Variants in MSL1 observed in about 807,000 individuals in gnomAD.
MSL1 encodes the protein MSL complex subunit 1, also known as male-specific lethal 1 homolog.
In MSL1, 21 loss-of-function variants were observed where a neutral mutation model predicts 64.6. That is an observed-to-expected ratio of 0.33 (90% CI 0.23 to 0.47). MSL1 has a LOEUF of 0.47. MSL1 is among the 20% of genes least tolerant of loss of function. The pLI is 1.00. For synonymous variants in MSL1, 339 were observed against 329.6 expected (o/e 1.03, Z -0.31); for missense variants, 664 against 793.2 (o/e 0.84, Z 1.96).
Position 40,135,650 on chromosome 17 carries a change from C to T in MSL1, c.*1281C>T, listed in dbSNP as rs1360906771. On this transcript the variant is annotated 3_prime_UTR_variant, in exon 9 of 9. Transcript: ENST00000398532. ...AAGGTATGTAGGGTGTGTGGCTGGCCCATCAGTGGAGCACGAAGAGAGAAT... is the reference window on the plus strand; with the variant it reads ...AAGGTATGTAGGGTGTGTGGCTGGCTCATCAGTGGAGCACGAAGAGAGAAT... 1 of 152,158 alleles carries T rather than the reference C, an allele frequency of 6.6e-6. No homozygotes were observed. Among genetic ancestry groups the T allele is most frequent in the African/African-American group, 2.4e-5 (1 of 41,360 alleles). The allele number at this position is 152,158 out of a possible 1,614,324, so 9.4% of individuals were successfully genotyped here.
In MSL1 at chr17:40,133,119, G is replaced by C; in HGVS notation, c.1556+10G>C. 1 of 1,601,758 alleles carries C rather than the reference G, an allele frequency of 6.2e-7. No individual in the cohort carries two copies. ...AGAAGAGAAGGAAAAGGTGAGGCCA[G>C]AGATGTCCATCCTGGAAACAACTGA... On this transcript the variant is annotated intron_variant, in intron 6 of 8. Coordinates refer to ENST00000398532, the MANE Select transcript of MSL1 (RefSeq NM_001365919.1).
Position 40,129,344 on chromosome 17 carries a change from T to C in MSL1, c.1092T>C (p.Ile364=). 2 of 1,611,824 alleles carry C rather than the reference T, an allele frequency of 1.2e-6. No individual in the cohort carries two copies. The highest frequency in any genetic ancestry group is 1.7e-6 in the Non-Finnish European group (2 of 1,179,358). The change falls in exon 3 of 9, where the codon ATT becomes ATC. Residue 364 remains isoleucine, a synonymous_variant. Transcript: ENST00000398532. Reference sequence around the variant, plus strand: ...CAAAAACTCCTAAGCACTCTCCTATTAAAGAGGAACCCTGTGGTTCCTTAT... The same window carrying C: ...CAAAAACTCCTAAGCACTCTCCTATCAAAGAGGAACCCTGTGGTTCCTTAT... The part of the protein sequence containing the change: ...VKTKTPKHSP[I]KEEPCGSLSE...
rs1345593619 is a variant in MSL1 at position 40,122,241 on chromosome 17, G to A, written c.-372G>A. The A allele has an allele frequency of 6.7e-6, 1 of 148,778 alleles. No individual in the cohort carries two copies. Among genetic ancestry groups the A allele is most frequent in the Non-Finnish European group, 1.5e-5 (1 of 66,522 alleles). The allele number at this position is 148,778 out of a possible 1,614,324, so 9.2% of individuals were successfully genotyped here. ...GGGGCGGGGGGCCGGGGCGGGGAAG[G>A]GGGGGTGCGGGGTGGGGAGACGAGG... On this transcript the variant is annotated 5_prime_UTR_variant, in exon 1 of 9. Coordinates refer to ENST00000398532, the MANE Select transcript of MSL1 (RefSeq NM_001365919.1). This position sits in a 1 kb window ranked among gnomAD's most constrained non-coding sequence, Gnocchi z 4.2.
intron 3 of MSL1, 49 bp downstream of exon 3, chr17:40,129,676 G>C (rs1475254036): frequency 1.4e-6 from 2 of 1,479,234 alleles, no homozygotes; most frequent in Non-Finnish European, 1.8e-6. Flanking sequence ...TGGCGGTCAA[G>C]CTAACAAGTG....
chr17:40,124,127 T>C (rs779815419), intron 1 of MSL1, among the ~76,000 whole-genome samples: 6 of 152,152 alleles, frequency 3.9e-5, no homozygotes, highest in Non-Finnish European at 7.3e-5. Context: ...ATTATTTCTT[T>C]ACTTCTGAGG....
At position 40,123,528 on chromosome 17, in the gene MSL1, T is replaced by C. The variant is rs903946018; in HGVS notation, c.768+148T>C. 1.8e-5 allele frequency: 13 copies of C among 707,798 alleles called. No individual in the cohort carries two copies. The African/African-American group carries it at 2.2e-4, about 12-fold the overall frequency. 43.8% of individuals were successfully genotyped at this position (707,798 alleles called of 1,614,324 possible). On this transcript the variant is annotated intron_variant, in intron 1 of 8. Coordinates refer to ENST00000398532, the MANE Select transcript of MSL1 (RefSeq NM_001365919.1). Reference sequence around the variant, plus strand: ...AGGAGTATCTTAGGCGCTGGGTCTCTGGGAGCCAGGCTCACAGACACGTTG... The same window carrying C: ...AGGAGTATCTTAGGCGCTGGGTCTCCGGGAGCCAGGCTCACAGACACGTTG...
Position 40,133,847 on chromosome 17 carries a change from C to T in MSL1, c.1702C>T (p.Pro568Ser), listed in dbSNP as rs986480354. The change falls in exon 8 of 9, where the codon CCC becomes TCC. Residue 568 changes from proline (P) to serine (S), a missense_variant. This residue lies in a region of MSL1 where 76 missense variants were observed against 98.5 expected (regional missense o/e 0.77). Transcript: ENST00000398532. ...CATAGTTGAAAGTTTGATGATTACC[C>T]CCTTCTTGCCTGTTGTAGCATTTGG... ...PDDVESLMIT[P>S]FLPVVAFGRP... 1 of 1,613,978 alleles carries T rather than the reference C, an allele frequency of 6.2e-7. No individual in the cohort carries two copies. The highest frequency in any genetic ancestry group is 8.5e-7 in the Non-Finnish European group (1 of 1,179,874).
In MSL1 at chr17:40,126,036, C is replaced by T. The variant is rs1988305963; in HGVS notation, c.769-147C>T. ...TCTATTTTGTTTAAGGAAAACTGTT[C>T]AGATTAATGTCTGCCTATTTAAAAA... On this transcript the variant is annotated intron_variant, in intron 1 of 8. Transcript: ENST00000398532. The T allele has an allele frequency of 8.9e-6, 6 of 675,560 alleles. No individual in the cohort carries two copies. In the South Asian group the frequency reaches 1.2e-4, roughly 13 times the overall value. The allele number at this position is 675,560 out of a possible 1,614,324, so 41.8% of individuals were successfully genotyped here. A position where few individuals can be genotyped will look rare whatever the true frequency, so the allele number is the denominator to read the frequency against.
In MSL1 at chr17:40,131,483, A is replaced by G; in HGVS notation, c.1376-54A>G. On this transcript the variant is annotated intron_variant, in intron 3 of 8. Transcript: ENST00000398532. The surrounding 1 kb of genome is among the most constrained non-coding windows in gnomAD (Gnocchi z 4.5). ...GATGATCCTTTCCTCCATTTGGGGT[A>G]TGGGCTTTTTTTCTTTTTACACTGA... 1 of 1,506,942 alleles carries G rather than the reference A, an allele frequency of 6.6e-7. No homozygotes were observed. Among genetic ancestry groups the G allele is most frequent in the Non-Finnish European group, 9.2e-7 (1 of 1,083,882 alleles). The allele number at this position is 1,506,942 out of a possible 1,614,324, so 93.3% of individuals were successfully genotyped here. A position where few individuals can be genotyped will look rare whatever the true frequency, so the allele number is the denominator to read the frequency against.
Position 40,123,234 on chromosome 17 carries a change from G to C in MSL1, c.622G>C (p.Gly208Arg), listed in dbSNP as rs1389986311. ...GAAGAGTATGAGGAAGAGCCCTCTC[G>C]GGGGTGGTGGCGGCTCGGGAGCCTC... ...RWKSMRKSPL[G>R]GGGGSGASSQ... Residue 208 changes from glycine (G) to arginine (R), a missense_variant, in exon 1 of 9, where the codon GGG becomes CGG. Around this residue, in one of 4 missense-constraint regions of MSL1, gnomAD observed 466 missense variants for 499.0 expected, o/e 0.93. Transcript: ENST00000398532. 6.5e-7 allele frequency: 1 copy of C among 1,535,750 alleles called. No individual in the cohort carries two copies. Among genetic ancestry groups the C allele is most frequent in the Non-Finnish European group, 8.7e-7 (1 of 1,146,866 alleles).
intron 2 of MSL1, 116 bp downstream of exon 2, chr17:40,126,522 C>T (rs1334053879): frequency 9.3e-6 from 9 of 971,354 alleles, no homozygotes; most frequent in Non-Finnish European, 9.3e-6. Flanking sequence ...GTCTTCTATG[C>T]GGAGGGCCGG....
Position 40,123,080 on chromosome 17 carries a change from G to A in MSL1, c.468G>A (p.Lys156=), listed in dbSNP as rs1398965135. The part of the protein sequence containing the change: ...AKEPTPWAGD[K]GGAASPAATA... ...AGCCTACGCCCTGGGCTGGGGACAA[G>A]GGTGGGGCGGCCTCCCCCGCTGCCA... Residue 156 remains lysine, a synonymous_variant, in exon 1 of 9, where the codon AAG becomes AAA. Transcript: ENST00000398532. The A allele has an allele frequency of 6.5e-7, 1 of 1,530,336 alleles. No homozygotes were observed. Among genetic ancestry groups the A allele is most frequent in the Non-Finnish European group, 8.7e-7 (1 of 1,144,704 alleles). 94.8% of individuals were successfully genotyped at this position (1,530,336 alleles called of 1,614,324 possible). A position where few individuals can be genotyped will look rare whatever the true frequency, so the allele number is the denominator to read the frequency against.
chr17:40,122,998 C>T lies in MSL1; in HGVS notation c.386C>T (p.Pro129Leu), dbSNP rs1249261952. Residue 129 changes from proline (P) to leucine (L), a missense_variant, in exon 1 of 9, where the codon CCC (proline) becomes CTC (leucine). Coordinates refer to ENST00000398532, the MANE Select transcript of MSL1 (RefSeq NM_001365919.1). The surrounding 1 kb of genome is among the most constrained non-coding windows in gnomAD (Gnocchi z 4.2). ...AAAGAGCSPR[P>L]KYQAVLPIQT... The stretch of plus-strand genomic sequence containing the variant: ...GCCGGAGCCGGCTGCAGCCCCCGGC[C>T]CAAGTATCAGGCGGTGCTGCCCATT... 38 of 1,529,776 alleles carry T rather than the reference C, an allele frequency of 2.5e-5. No homozygotes were observed. The highest frequency in any genetic ancestry group is 3.1e-5 in the Non-Finnish European group (36 of 1,144,726). The allele number at this position is 1,529,776 out of a possible 1,614,324, so 94.8% of individuals were successfully genotyped here.
chr17:40,123,636 G>A (rs760863734), intron 1 of MSL1, among the ~76,000 whole-genome samples: 1 of 152,112 alleles, frequency 6.6e-6, no homozygotes, highest in African/African-American at 2.4e-5. Flanking sequence ...TAAAATGACA[G>A]CCCCAGACGT....
In MSL1 at chr17:40,135,463, T is replaced by G. The variant is rs1238657423; in HGVS notation, c.*1094T>G. On this transcript the variant is annotated 3_prime_UTR_variant, in exon 9 of 9. Transcript: ENST00000398532. ...CCCTATTAACTATCTGAAAGGAAAA[T>G]AGAGCCAAGACCTCTGGTCTCAAAT... 6.6e-6 allele frequency: 1 copy of G among 152,306 alleles called. No homozygotes were observed. The highest frequency in any genetic ancestry group is 1.5e-5 in the Non-Finnish European group (1 of 68,022). 9.4% of individuals were successfully genotyped at this position (152,306 alleles called of 1,614,324 possible). A position where few individuals can be genotyped will look rare whatever the true frequency, so the allele number is the denominator to read the frequency against.
At chr17:40,126,516 T>G in intron 2 of MSL1, 110 bp downstream of exon 2, 2 of 1,049,874 alleles carry the variant, frequency 1.9e-6, no homozygotes, top group Non-Finnish European at 2.8e-6. Context: ...TTAGAAGTCT[T>G]CTATGCGGAG....
Position 40,122,526 on chromosome 17 carries a change from TC to T in MSL1, c.-79del, listed in dbSNP as rs560044952. 9.6e-4 allele frequency: 544 copies of T among 568,722 alleles called. No homozygotes were observed. The highest frequency in any genetic ancestry group is 3.2e-3 in the African/African-American group (140 of 44,100). The allele number at this position is 568,722 out of a possible 1,614,324, so 35.2% of individuals were successfully genotyped here. ...CTGAGGCGAGCCCGCCAAACTCCCC[TC>T]CCCCCCCTCAGTCCTCGACCCCCCG... On this transcript the variant is annotated 5_prime_UTR_variant, in exon 1 of 9. Transcript: ENST00000398532. This position sits in a 1 kb window ranked among gnomAD's most constrained non-coding sequence, Gnocchi z 4.2.
In MSL1 at chr17:40,123,585, CAG is replaced by C. The variant is rs781422071; in HGVS notation, c.768+206_768+207del. On this transcript the variant is annotated intron_variant, in intron 1 of 8. Coordinates refer to ENST00000398532, the MANE Select transcript of MSL1 (RefSeq NM_001365919.1). ...AGGGAAGGGTTAAAGGGCAACCTCT[CAG>C]GGGGAGGGGGAGGGGTTTCAGGTGC... Among the ~76,000 whole-genome samples, 37 of 151,374 alleles carry C rather than the reference CAG, an allele frequency of 2.4e-4. No individual in the cohort carries two copies. The East Asian group carries it at 3.5e-3, about 14-fold the overall frequency.
At chr17:40,134,221 T>C (rs1988495952) in intron 8 of MSL1, 58 bp from the exon 9 acceptor site, 2 of 1,443,606 alleles carry the variant, frequency 1.4e-6, no homozygotes, top group Non-Finnish European at 1.9e-6. Context: ...GTTGCTATCA[T>C]GTCCACACTG....
Sources: gnomAD v4.1 joint callset for allele counts (sites outside exome capture counted in the v4.1 genomes callset) on GRCh38, gnomAD v4.1.1 for gene constraint, gnomAD v4.1.1 regional missense constraint, Gnocchi (gnomAD v3.1) non-coding constraint, MANE v1.5 for transcripts, NCBI Gene and HGNC (gene_info 2026-07-23, HGNC 2026-07-21) for gene names.